Variants in UNC5D observed in about 807,000 individuals in gnomAD.
UNC5D encodes unc-5 netrin receptor D.
UNC5D carries 39 observed loss-of-function variants against 105.4 expected under a neutral mutation model. That is an observed-to-expected ratio of 0.37 (90% CI 0.29 to 0.48). UNC5D has a LOEUF of 0.48. UNC5D is among the 20% of genes least tolerant of loss of function. UNC5D has a pLI of 0.98. For missense variants in UNC5D, 991 were observed against 1,202.4 expected, an observed-to-expected ratio of 0.82 and a Z score of 2.60; for synonymous variants, 452 against 450.4, an observed-to-expected ratio of 1.00 and a Z score of -0.04.
At chr8:35,688,533 G>C (rs1186259102) in intron 7 of UNC5D, among the ~76,000 whole-genome samples, 1 of 152,166 alleles carries the variant, frequency 6.6e-6, no homozygotes, top group Non-Finnish European at 1.5e-5. Context: ...TACCCTGCAT[G>C]CATCAGATAC....
rs1281900246 is a variant in UNC5D, at chr8:35,719,139, T to TAC, written c.1118-3070_1118-3069insCA. Among the ~76,000 whole-genome samples the TAC allele has an allele frequency of 2.4e-4, 16 of 67,364 alleles. No homozygotes were observed. The South Asian group carries it at 6.8e-3, about 29-fold the overall frequency. The allele number at this position is 67,364 out of a possible 152,430, so 44.2% of individuals were successfully genotyped here. ...GGCACTGCTTACATGCACATGTGCTTATACACACACACACACACACACACA... is the reference window on the plus strand; with the variant it reads ...GGCACTGCTTACATGCACATGTGCTTACATACACACACACACACACACACACA... On this transcript the variant is annotated intron_variant, in intron 8 of 16. Coordinates refer to ENST00000404895, the MANE Select transcript of UNC5D (RefSeq NM_080872.4).
At chr8:35,512,513 C>T (rs1355835558) in intron 1 of UNC5D, among the ~76,000 whole-genome samples, 234 of 30,420 alleles carry the variant, frequency 7.7e-3, no homozygotes, top group Middle Eastern at 0.031. Flanking sequence ...TATATATCTG[C>T]ATAGATTATA....
intron 14 of UNC5D, among the ~76,000 whole-genome samples, chr8:35,764,247 A>G (rs1801667974): frequency 6.6e-6 from 1 of 152,188 alleles, no homozygotes; most frequent in Non-Finnish European, 1.5e-5. Context: ...AAGACCAAAC[A>G]AGATTATTTG....
Position 35,358,941 on chromosome 8 carries a change from AT to A in UNC5D, c.103+123056del, listed in dbSNP as rs565629210. On this transcript the variant is annotated intron_variant, in intron 1 of 16. Transcript: ENST00000404895. ...GAGTTAAGAATTGGTATATTTAAAA[AT>A]TATGATTCCCATGAATAGATAAGGT... Among the ~76,000 whole-genome samples, 27 of 152,350 alleles carry A rather than the reference AT, an allele frequency of 1.8e-4. No homozygotes were observed. The East Asian group carries it at 5.2e-3, about 29-fold the overall frequency.
chr8:35,257,304 G>GT (rs1328440037), intron 1 of UNC5D, among the ~76,000 whole-genome samples: 2 of 152,130 alleles, frequency 1.3e-5, no homozygotes, highest in Non-Finnish European at 2.9e-5. Context: ...ATAGATCACA[G>GT]TTTTTCCTAC....
At chr8:35,559,678 A>G (rs1816818909) in intron 2 of UNC5D, among the ~76,000 whole-genome samples, 1 of 152,194 alleles carries the variant, frequency 6.6e-6, no homozygotes, top group South Asian at 2.1e-4. Flanking sequence ...GACTATGACC[A>G]TCACCCTTTT....
intron 4 of UNC5D, among the ~76,000 whole-genome samples, chr8:35,624,897 G>A (rs1346563122): frequency 1.3e-5 from 2 of 152,106 alleles, no homozygotes; most frequent in African/African-American, 4.8e-5. Context: ...AAACCTACTT[G>A]TTAATTCTTT....
intron 4 of UNC5D, among the ~76,000 whole-genome samples, chr8:35,615,848 TA>T (rs1160097293): frequency 1.3e-5 from 2 of 152,192 alleles, no homozygotes; most frequent in Non-Finnish European, 2.9e-5. Flanking sequence ...AGAGGATGAA[TA>T]TTTGCACAAC....
intron 1 of UNC5D, among the ~76,000 whole-genome samples, chr8:35,535,571 T>C (rs531187593): frequency 1.3e-5 from 2 of 152,154 alleles, no homozygotes; most frequent in South Asian, 2.1e-4. Flanking sequence ...AGCCTTAACC[T>C]TTCAAGAGCA....
At chr8:35,274,489 G>A (rs748275270) in intron 1 of UNC5D, among the ~76,000 whole-genome samples, 47 of 152,328 alleles carry the variant, frequency 3.1e-4, no homozygotes, top group East Asian at 7.7e-4. Context: ...GCCTGTGAGT[G>A]TGGTTGTGAG....
intron 1 of UNC5D, among the ~76,000 whole-genome samples, chr8:35,294,235 G>T (rs184238649): frequency 6.6e-6 from 1 of 152,270 alleles, no homozygotes; most frequent in Non-Finnish European, 1.5e-5. Context: ...TATGCCTCCT[G>T]CCTTAAGTCC....
rs140026146 is a variant in UNC5D at position 35,741,905 on chromosome 8, G to A, written c.1767-6622G>A. Among the ~76,000 whole-genome samples, 208 of 152,288 alleles carry A rather than the reference G, an allele frequency of 1.4e-3. 1 individual carries two copies. Among genetic ancestry groups the A allele is most frequent in the African/African-American group, 4.9e-3 (203 of 41,558 alleles). ...AAATCTTCATTGGTGGCATCCAGGA[G>A]TATAATTTTAAACAAGCTTCCTAAG... On this transcript the variant is annotated intron_variant, in intron 11 of 16. Transcript: ENST00000404895.
intron 1 of UNC5D, among the ~76,000 whole-genome samples, chr8:35,433,665 A>C (rs1006894485): frequency 6.6e-6 from 1 of 151,998 alleles, no homozygotes; most frequent in Non-Finnish European, 1.5e-5. Flanking sequence ...ATAAACCATC[A>C]GTACTCAAAG....
chr8:35,316,054 A>G (rs1809281509), intron 1 of UNC5D, among the ~76,000 whole-genome samples: 1 of 152,208 alleles, frequency 6.6e-6, no homozygotes, highest in African/African-American at 2.4e-5. Context: ...ATAGGGAGGC[A>G]CGATTGGAAA....
At chr8:35,563,966 T>A (rs1817146272) in intron 2 of UNC5D, among the ~76,000 whole-genome samples, 1 of 152,164 alleles carries the variant, frequency 6.6e-6, no homozygotes, top group South Asian at 2.1e-4. Flanking sequence ...TCAATCCTCC[T>A]TGATTATGGT....
intron 1 of UNC5D, among the ~76,000 whole-genome samples, chr8:35,364,470 G>C (rs1802010839): frequency 6.6e-6 from 1 of 151,972 alleles, no homozygotes; most frequent in South Asian, 2.1e-4. Flanking sequence ...GGCTCATCTT[G>C]TGCTTTGCTT....
chr8:35,404,932 T>TC (rs1804706783), intron 1 of UNC5D, among the ~76,000 whole-genome samples: 1 of 152,144 alleles, frequency 6.6e-6, no homozygotes, highest in Non-Finnish European at 1.5e-5. Flanking sequence ...GAAGCATTGG[T>TC]CTGTACTAAG....
chr8:35,689,943 A>G (rs1247783468), intron 7 of UNC5D, among the ~76,000 whole-genome samples: 1 of 152,214 alleles, frequency 6.6e-6, no homozygotes, highest in African/African-American at 2.4e-5. Flanking sequence ...AAATTAAAAC[A>G]GCTCAATCCA....
At chr8:35,593,912 A>T (rs1671465897) in intron 3 of UNC5D, among the ~76,000 whole-genome samples, 1 of 152,162 alleles carries the variant, frequency 6.6e-6, no homozygotes, top group Admixed American at 6.5e-5. Context: ...TGACCCAAAG[A>T]TCCCTTGTGA....
Sources: gnomAD v4.1 joint callset for allele counts (sites outside exome capture counted in the v4.1 genomes callset) on GRCh38, gnomAD v4.1.1 for gene constraint, MANE v1.5 for transcripts, NCBI Gene and HGNC (gene_info 2026-07-23, HGNC 2026-07-21) for gene names.